The following INPP4B variants were observed in gnomAD, a reference collection of about 807,000 sequenced individuals.
INPP4B encodes the protein inositol polyphosphate-4-phosphatase type II B, also known as inositol polyphosphate 4-phosphatase type II.
Under a neutral mutation model 122.5 loss-of-function variants are expected in INPP4B, and 55 were observed. That is an observed-to-expected ratio of 0.45 (90% confidence interval 0.36 to 0.56). The LOEUF (loss-of-function observed/expected upper bound fraction) is 0.56, where lower values mean the gene tolerates loss of function less well. INPP4B is among the 20% of genes least tolerant of loss of function. INPP4B has a pLI of 0.00. For missense variants in INPP4B, 1,000 were observed against 1,097.7 expected, an observed-to-expected ratio of 0.91 and a Z score of 1.26; for synonymous variants, 403 against 388.7, an observed-to-expected ratio of 1.04 and a Z score of -0.43.
At chr4:142,189,564 C>T (rs1200794761) in intron 15 of INPP4B, among the ~76,000 whole-genome samples, 1 of 151,852 alleles carries the variant, frequency 6.6e-6, no homozygotes, top group East Asian at 1.9e-4. Flanking sequence ...ATCAGGAAAG[C>T]CTAATTATAA....
At chr4:142,479,709 A>G (rs1820267324) in intron 2 of INPP4B, among the ~76,000 whole-genome samples, 1 of 152,220 alleles carries the variant, frequency 6.6e-6, no homozygotes, top group Admixed American at 6.5e-5. Flanking sequence ...TAATGCAGGA[A>G]CAGAAAACCA....
At chr4:142,205,080 C>A (rs1035761958) in intron 14 of INPP4B, among the ~76,000 whole-genome samples, 6 of 152,044 alleles carry the variant, frequency 3.9e-5, no homozygotes, top group Non-Finnish European at 8.8e-5. Context: ...ATCAGAGAAT[C>A]AGAAACTAAA....
intron 2 of INPP4B, among the ~76,000 whole-genome samples, chr4:142,529,776 C>A (rs17660975): frequency 0.37 from 55,626 of 151,704 alleles, 11,951 homozygotes; most frequent in Non-Finnish European, 0.5. Context: ...GCAGCTTGAG[C>A]AGATAGATTT....
intron 1 of INPP4B, among the ~76,000 whole-genome samples, chr4:142,797,920 A>C (rs1007239945): frequency 1.3e-5 from 2 of 151,968 alleles, no homozygotes; most frequent in African/African-American, 4.8e-5. Context: ...AAATCAAGAA[A>C]GGGAAAGACA....
At chr4:142,119,201 C>T (rs1578971504) in intron 21 of INPP4B, among the ~76,000 whole-genome samples, 1 of 152,082 alleles carries the variant, frequency 6.6e-6, no homozygotes, top group South Asian at 2.1e-4. Context: ...GTTGGTGGGA[C>T]TGTAAACTAG....
At chr4:142,581,291 G>A (rs1203617014) in intron 2 of INPP4B, among the ~76,000 whole-genome samples, 1 of 152,020 alleles carries the variant, frequency 6.6e-6, no homozygotes, top group African/African-American at 2.4e-5. Flanking sequence ...TACAAGAAAA[G>A]CACTCAAGTA....
intron 2 of INPP4B, among the ~76,000 whole-genome samples, chr4:142,518,180 G>C (rs1370727967): frequency 6.6e-6 from 1 of 152,086 alleles, no homozygotes; most frequent in Non-Finnish European, 1.5e-5. Flanking sequence ...TGGGCTAGTA[G>C]GATGCAATGA....
Position 142,260,499 on chromosome 4 carries a change from CA to C in INPP4B, c.680del (p.Leu227Ter), listed in dbSNP as rs1289218785. On this transcript the variant is annotated frameshift_variant, in exon 11 of 26. Coordinates refer to ENST00000262992, the MANE Select transcript of INPP4B (RefSeq NM_001101669.3). LOFTEE classifies it high-confidence loss of function. ...TAAAACTGAGTTACATACCTGAATT[CA>C]AAAAAGGTAAGTTATCTTTTCCGCT... ...SVSGKDNLPF[L>X]NSVLKNPVCK... 1.3e-6 allele frequency: 2 copies of C among 1,593,626 alleles called. No homozygotes were observed. The highest frequency in any genetic ancestry group is 1.7e-6 in the Non-Finnish European group (2 of 1,165,464).
chr4:142,110,085 T>G (rs1789251344), intron 22 of INPP4B, among the ~76,000 whole-genome samples: 1 of 152,146 alleles, frequency 6.6e-6, no homozygotes, highest in Non-Finnish European at 1.5e-5. Flanking sequence ...GAATAAATGT[T>G]TGTGTTGTCC....
intron 2 of INPP4B, among the ~76,000 whole-genome samples, chr4:142,525,518 A>G (rs1461842637): frequency 4.0e-4 from 29 of 72,848 alleles, no homozygotes; most frequent in African/African-American, 1.1e-3. Context: ...GCAAAACAGC[A>G]TGGTATTGGT....
chr4:142,274,832 T>C (rs189503356), intron 9 of INPP4B, among the ~76,000 whole-genome samples: 65 of 151,152 alleles, frequency 4.3e-4, no homozygotes, highest in African/African-American at 1.6e-3. Flanking sequence ...TACCACTGTT[T>C]AACGCAGAAA....
At chr4:142,782,559 C>G (rs1775035557) in intron 1 of INPP4B, among the ~76,000 whole-genome samples, 1 of 151,616 alleles carries the variant, frequency 6.6e-6, no homozygotes, top group African/African-American at 2.4e-5. Flanking sequence ...AATCTCCACA[C>G]TGACTTCCAC....
intron 17 of INPP4B, among the ~76,000 whole-genome samples, chr4:142,148,471 C>A (rs1179416984): frequency 6.6e-6 from 1 of 152,098 alleles, no homozygotes; most frequent in Non-Finnish European, 1.5e-5. Flanking sequence ...ACCTCAGCCT[C>A]CCAAAGTGCT....
intron 7 of INPP4B, among the ~76,000 whole-genome samples, chr4:142,329,353 A>G (rs1410841924): frequency 6.6e-6 from 1 of 151,316 alleles, no homozygotes; most frequent in Non-Finnish European, 1.5e-5. Context: ...CACTGAGGCC[A>G]AAGTGGCTGA....
intron 1 of INPP4B, among the ~76,000 whole-genome samples, chr4:142,840,234 G>A (rs936632477): frequency 1.3e-5 from 2 of 152,002 alleles, no homozygotes; most frequent in Non-Finnish European, 2.9e-5. Context: ...GAGGTAATTT[G>A]CACTTTTTTT....
chr4:142,606,005 A>C (rs1741172022), intron 2 of INPP4B, among the ~76,000 whole-genome samples: 2 of 152,070 alleles, frequency 1.3e-5, no homozygotes, highest in Non-Finnish European at 1.5e-5. Context: ...AGTGCCCATC[A>C]GTGGACAAAT....
chr4:142,225,399 C>T (rs1411387794), intron 12 of INPP4B, among the ~76,000 whole-genome samples: 6 of 151,984 alleles, frequency 3.9e-5, no homozygotes, highest in Non-Finnish European at 7.4e-5. Flanking sequence ...AATTTGCAGA[C>T]AGCCTATTGT....
intron 2 of INPP4B, among the ~76,000 whole-genome samples, chr4:142,474,683 G>A (rs992406120): frequency 2.6e-5 from 4 of 152,116 alleles, no homozygotes; most frequent in East Asian, 1.9e-4. Context: ...GGCAGTCAAC[G>A]CCTACTAGAG....
chr4:142,104,382 T>G (rs754279364), intron 23 of INPP4B, among the ~76,000 whole-genome samples: 15 of 152,200 alleles, frequency 9.9e-5, no homozygotes, highest in Middle Eastern at 6.8e-3. Context: ...CAAAAGGGAA[T>G]GTGAAGGATG....
Sources: allele counts gnomAD v4.1 joint callset (sites outside exome capture counted in the v4.1 genomes callset), GRCh38; gene constraint gnomAD v4.1.1; transcripts MANE v1.5; gene names NCBI Gene and HGNC (gene_info 2026-07-23, HGNC 2026-07-21).